Variants in ADGRE3 observed in about 807,000 individuals in gnomAD.
ADGRE3 encodes adhesion G protein-coupled receptor E3.
In ADGRE3, 88 loss-of-function variants were observed where a neutral mutation model predicts 80.1. That is an observed-to-expected ratio of 1.10 (90% CI 0.93 to 1.31). ADGRE3 has a LOEUF of 1.31. ADGRE3 is among the 40% of genes most tolerant of loss of function. The probability of loss-of-function intolerance (pLI) is 0.00; values close to 1 mark genes in which losing one functional copy is unlikely to be tolerated. For synonymous variants in ADGRE3, 281 were observed against 294.8 expected (o/e 0.95, Z 0.48); for missense variants, 715 against 776.5 (o/e 0.92, Z 0.94).
chr19:14,645,332 T>C (rs1397227110), intron 8 of ADGRE3, among the ~76,000 whole-genome samples: 4 of 152,080 alleles, frequency 2.6e-5, no homozygotes, highest in African/African-American at 4.8e-5. Flanking sequence ...AGGCATGATA[T>C]AGGAAAGAAA....
At position 14,644,199 on chromosome 19, in the gene ADGRE3, C is replaced by T; in HGVS notation, c.959G>A (p.Gly320Asp). The change falls in exon 9 of 16, where the codon GGC becomes GAC. Residue 320 changes from glycine to aspartate, a missense_variant. Transcript: ENST00000253673. ...CTTGTTCACGTGTATCAGGAAGCAG[C>T]CATCCCTGGACCACTGGCTGCCCTG... ...TGQGSQWSRDGCFLIHVNKSH... is the reference protein window; with the variant it reads ...TGQGSQWSRDDCFLIHVNKSH... 6.2e-7 allele frequency: 1 copy of T among 1,608,878 alleles called. No individual in the cohort carries two copies.
Position 14,636,513 on chromosome 19 carries a change from CTCT to C in ADGRE3, c.1484+1589_1484+1591del, listed in dbSNP as rs796763759. ...TGAGTCACCGTGCCCGACCTTAAAG[CTCT>C]TCTTTCTATTATTTATTCATCTTGA... is the stretch of plus-strand genomic sequence containing the variant. On this transcript the variant is annotated intron_variant, in intron 11 of 15. Transcript: ENST00000253673. Among the ~76,000 whole-genome samples, 33 of 152,072 alleles carry C rather than the reference CTCT, an allele frequency of 2.2e-4. 2 individuals carry two copies. The highest frequency in any genetic ancestry group is 7.7e-4 in the African/African-American group (32 of 41,484).
chr19:14,654,646 T>A (rs1252213559), intron 6 of ADGRE3, among the ~76,000 whole-genome samples: 1 of 152,110 alleles, frequency 6.6e-6, no homozygotes, highest in African/African-American at 2.4e-5. Flanking sequence ...TTTATTGAGG[T>A]ATAATTGATG....
At chr19:14,665,947 T>TAC (rs1568500779) in intron 2 of ADGRE3, among the ~76,000 whole-genome samples, 845 of 24,270 alleles carry the variant, frequency 0.035, 128 homozygotes, top group African/African-American at 0.15. Flanking sequence ...TATATATATA[T>TAC]ATATATATAT....
In ADGRE3 at chr19:14,620,552, ATATATATATATATATATTTTTTTTTTTTT is replaced by A. The variant is rs1568471555; in HGVS notation, c.1921-1110_1921-1082del. ...TATATATATTTTATATATATATTAT[ATATATATATATATATATTTTTTTTTTTTT>A]TTTTTTTTTTTTTTTTGAGACAGGG... On this transcript the variant is annotated intron_variant, in intron 15 of 15. Coordinates refer to ENST00000253673, the MANE Select transcript of ADGRE3 (RefSeq NM_032571.5). Among the ~76,000 whole-genome samples, 2 of 21,484 alleles carry A rather than the reference ATATATATATATATATATTTTTTTTTTTTT, an allele frequency of 9.3e-5. 1 individual carries two copies. The highest frequency in any genetic ancestry group is 3.9e-4 in the African/African-American group (2 of 5,104). 14.1% of individuals were successfully genotyped at this position (21,484 alleles called of 152,430 possible). A position where few individuals can be genotyped will look rare whatever the true frequency, so the allele number is the denominator to read the frequency against.
intron 9 of ADGRE3, 84 bp from the exon 10 acceptor site, chr19:14,641,700 C>T (rs1054646712): frequency 6.5e-7 from 1 of 1,530,324 alleles, no homozygotes; most frequent in African/African-American, 1.4e-5. Flanking sequence ...ATCCTAGACA[C>T]AGGCACCAAG....
rs59183049 is a variant in ADGRE3 at position 14,641,532 on chromosome 19, G to C, written c.1135C>G (p.Leu379Val). Residue 379 changes from leucine (L) to valine (V), a missense_variant, in exon 10 of 16, where the codon CTC (leucine) becomes GTC (valine). By Grantham distance (32) the Leu-to-Val change is conservative. Coordinates refer to ENST00000253673, the MANE Select transcript of ADGRE3 (RefSeq NM_032571.5). ...GTGTTCCGGATGGCTTTACACAGGA[G>C]AAAAGTGAGGGCCGCCAGGAGGAGG... ...LCLLLAALTF[L>V]LCKAIRNTST... 0.011 allele frequency: 18,515 copies of C among 1,613,880 alleles called. 153 individuals are homozygous for C. Among genetic ancestry groups the C allele is most frequent in the African/African-American group, 0.032 (2,402 of 75,040 alleles).
intron 3 of ADGRE3, among the ~76,000 whole-genome samples, chr19:14,662,907 A>T (rs1971991464): frequency 2.9e-5 from 2 of 69,954 alleles, no homozygotes; most frequent in African/African-American, 7.0e-5. Flanking sequence ...TCTCTACAAA[A>T]AAAAAAAAAA....
At chr19:14,626,684 G>A (rs1970745347) in intron 14 of ADGRE3, among the ~76,000 whole-genome samples, 2 of 152,188 alleles carry the variant, frequency 1.3e-5, no homozygotes, top group Admixed American at 1.3e-4. Context: ...GAGGAAGCAG[G>A]ACAGGGAAGA....
intron 2 of ADGRE3, among the ~76,000 whole-genome samples, chr19:14,665,667 T>A (rs1043086009): frequency 2.4e-4 from 36 of 151,440 alleles, no homozygotes; most frequent in African/African-American, 7.8e-4. Flanking sequence ...TTAAAAAAAT[T>A]TTTTTGTAGA....
At chr19:14,650,997 G>A (rs1971590544) in intron 7 of ADGRE3, 88 bp downstream of exon 7, 1 of 1,437,186 alleles carries the variant, frequency 7.0e-7, no homozygotes, top group African/African-American at 1.4e-5. Flanking sequence ...AAGCCCATGA[G>A]GGGAGAGCCC....
In ADGRE3 at chr19:14,663,537, G is replaced by A. The variant is rs778870994; in HGVS notation, c.80C>T (p.Ser27Phe). 3 of 1,612,738 alleles carry A rather than the reference G, an allele frequency of 1.9e-6. No homozygotes were observed. Among genetic ancestry groups the A allele is most frequent in the Non-Finnish European group, 2.5e-6 (3 of 1,179,098 alleles). The part of the protein sequence containing the change: ...FGAVTQKTKT[S>F]CAKCPPNASC... Reference sequence around the variant, plus strand: ...AGCATTTGGGGGGCACTTAGCACAGGAAGCTGCAGGGAGAAGAGAGGCAGG... The same window carrying A: ...AGCATTTGGGGGGCACTTAGCACAGAAAGCTGCAGGGAGAAGAGAGGCAGG... Residue 27 changes from serine to phenylalanine, a missense_variant, in exon 3 of 16, where the codon TCC becomes TTC. Physicochemically the swap from Ser to Phe is radical, Grantham distance 155. Transcript: ENST00000253673.
Position 14,644,292 on chromosome 19 carries a change from GA to G in ADGRE3, c.883-18del. ...GGGGGTCATCTGAAAATAGAAAATA[GA>G]AAGGGCTCATTGTCTTTGTCTTTCT... is the stretch of plus-strand genomic sequence containing the variant. On this transcript the variant is annotated intron_variant, in intron 8 of 15. Transcript: ENST00000253673. 1.4e-6 allele frequency: 2 copies of G among 1,468,242 alleles called. No individual in the cohort carries two copies. Among genetic ancestry groups the G allele is most frequent in the Non-Finnish European group, 1.8e-6 (2 of 1,100,994 alleles). The allele number at this position is 1,468,242 out of a possible 1,614,324, so 91.0% of individuals were successfully genotyped here. A position where few individuals can be genotyped will look rare whatever the true frequency, so the allele number is the denominator to read the frequency against.
At position 14,633,015 on chromosome 19, in the gene ADGRE3, G is replaced by T. The variant is rs554746691; in HGVS notation, c.1552-3C>A. The T allele has an allele frequency of 4.3e-6, 7 of 1,610,964 alleles. No homozygotes were observed. The Admixed American group carries it at 1.0e-4, about 23-fold the overall frequency. On this transcript the variant is annotated splice_region_variant and splice_polypyrimidine_tract_variant and intron_variant, in intron 12 of 15. Coordinates refer to ENST00000253673, the MANE Select transcript of ADGRE3 (RefSeq NM_032571.5). Reference sequence around the variant, plus strand: ...AAGATAAACAATACTAAATTCGCCTGCAGGACCAACACAAACAAGGCAGAG... The same window carrying T: ...AAGATAAACAATACTAAATTCGCCTTCAGGACCAACACAAACAAGGCAGAG...
chr19:14,658,724 A>C (rs6511951), intron 4 of ADGRE3, among the ~76,000 whole-genome samples, 174 bp from the exon 5 acceptor site: 2 of 151,702 alleles, frequency 1.3e-5, no homozygotes, highest in East Asian at 3.9e-4. Flanking sequence ...ATTTTATTTA[A>C]AAAATTTTTT....
At chr19:14,613,510 C>A in the ADGRE3 span, among the ~76,000 whole-genome samples, 1 of 151,702 alleles carries the variant, frequency 6.6e-6, no homozygotes, top group Non-Finnish European at 1.5e-5. Flanking sequence ...GGATTGCGAT[C>A]AATTTATTGA....
At chr19:14,663,951 C>T (rs536643399) in intron 2 of ADGRE3, among the ~76,000 whole-genome samples, 29 of 152,252 alleles carry the variant, frequency 1.9e-4, no homozygotes, top group African/African-American at 7.0e-4. Flanking sequence ...CCCCCACTCC[C>T]CTGACATATT....
At chr19:14,604,216 C>T in the ADGRE3 span, among the ~76,000 whole-genome samples, 1 of 152,120 alleles carries the variant, frequency 6.6e-6, no homozygotes, top group Non-Finnish European at 1.5e-5. Context: ...TCCCCAGGTC[C>T]CTTCTGCTTT....
chr19:14,665,002 T>C (rs1264291115), intron 2 of ADGRE3, among the ~76,000 whole-genome samples: 1 of 151,770 alleles, frequency 6.6e-6, no homozygotes, highest in Non-Finnish European at 1.5e-5. Flanking sequence ...TTGGTTTTCA[T>C]GTAAAATTTT....
Sources: gnomAD v4.1 joint callset for allele counts (sites outside exome capture counted in the v4.1 genomes callset) on GRCh38, gnomAD v4.1.1 for gene constraint, MANE v1.5 for transcripts, NCBI Gene and HGNC (gene_info 2026-07-23, HGNC 2026-07-21) for gene names.